Variants in ACLY observed in about 807,000 individuals in gnomAD.
ACLY encodes ATP citrate lyase.
Under a neutral mutation model 133.0 loss-of-function variants are expected in ACLY, and 41 were observed. The ratio of observed to expected loss-of-function variants is 0.31; its 90% CI spans 0.24 to 0.40. ACLY has a LOEUF of 0.40. Ranked by LOEUF, ACLY falls within the 10% of genes least tolerant of loss-of-function variation. The pLI is 1.00. For missense variants in ACLY, 1,046 were observed against 1,453.8 expected, an observed-to-expected ratio of 0.72 and a Z score of 4.56; for synonymous variants, 495 against 549.3, an observed-to-expected ratio of 0.90 and a Z score of 1.38.
At chr17:41,868,199 G>T (rs2144184562) in intron 28 of ACLY, among the ~76,000 whole-genome samples, 1 of 152,148 alleles carries the variant, frequency 6.6e-6, no homozygotes, top group South Asian at 2.1e-4. Context: ...AGCACTTTGG[G>T]AGGCCGAGGT....
At chr17:41,901,366 C>G (rs1386173941) in intron 11 of ACLY, among the ~76,000 whole-genome samples, 1 of 152,170 alleles carries the variant, frequency 6.6e-6, no homozygotes, top group African/African-American at 2.4e-5. Context: ...CACCCCCTGA[C>G]ATAGCAGTTT....
At chr17:41,930,367 CT>C (rs1433339526) in exon 1 of ACLY, 3 of 242,220 alleles carry the variant, frequency 1.2e-5, no homozygotes, top group Non-Finnish European at 2.5e-5. Context: ...CCACGTATGC[CT>C]CATCCCTATT....
At position 41,884,333 on chromosome 17, in the gene ACLY, A is replaced by T. The variant is rs369313995; in HGVS notation, c.2073-59T>A. On this transcript the variant is annotated intron_variant, in intron 18 of 28. Transcript: ENST00000352035. ...CAGGAGGAGGCCTGGGGAAGTGTGT[A>T]CAGGGTTAGGAAGCACACTTGTACT... 37 of 1,166,572 alleles carry T rather than the reference A, an allele frequency of 3.2e-5. No individual in the cohort carries two copies. The African/African-American group carries it at 5.0e-4, about 16-fold the overall frequency. 72.3% of individuals were successfully genotyped at this position (1,166,572 alleles called of 1,614,324 possible).
intron 20 of ACLY, 64 bp from the exon 21 acceptor site, chr17:41,878,988 A>C (rs1555626693): frequency 1.2e-6 from 2 of 1,600,842 alleles, no homozygotes; most frequent in African/African-American, 2.7e-5. Context: ...AATCCCATGT[A>C]AAGTGTGCTA....
At chr17:41,886,352 G>C in intron 17 of ACLY, 44 bp from the exon 18 acceptor site, 1 of 1,542,352 alleles carries the variant, frequency 6.5e-7, no homozygotes, top group Non-Finnish European at 8.8e-7. Flanking sequence ...GTGACTTCCA[G>C]ATTCACCACA....
chr17:41,905,467 T>C, intron 9 of ACLY, 55 bp downstream of exon 9: 1 of 1,611,004 alleles, frequency 6.2e-7, no homozygotes, highest in Non-Finnish European at 8.5e-7. Context: ...CATTGCAGCC[T>C]GCTGGGCTGT....
Sources: allele counts gnomAD v4.1 joint callset (sites outside exome capture counted in the v4.1 genomes callset), GRCh38; gene constraint gnomAD v4.1.1; transcripts MANE v1.5; gene names NCBI Gene and HGNC (gene_info 2026-07-23, HGNC 2026-07-21).